Variants in DLG5 observed in about 807,000 individuals in gnomAD.
The protein encoded by DLG5 is disks large homolog 5.
Under a neutral mutation model 189.8 loss-of-function variants are expected in DLG5, and 48 were observed. The ratio of observed to expected loss-of-function variants is 0.25; its 90% CI spans 0.20 to 0.32. The LOEUF (loss-of-function observed/expected upper bound fraction) is 0.32. DLG5 is among the 10% of genes least tolerant of loss of function. DLG5 has a pLI of 1.00. For missense variants in DLG5, 2,160 were observed against 2,544.7 expected (o/e 0.85, Z 3.25); for synonymous variants, 1,016 against 1,054.1 (o/e 0.96, Z 0.70).
At chr10:77,901,415 A>G (rs968356302) in intron 1 of DLG5, among the ~76,000 whole-genome samples, 1 of 152,204 alleles carries the variant, frequency 6.6e-6, no homozygotes, top group Admixed American at 6.5e-5. Flanking sequence ...TGGAGGTTAC[A>G]CCTGGCAAAG....
intron 1 of DLG5, among the ~76,000 whole-genome samples, chr10:77,891,850 T>C (rs1845619609): frequency 6.6e-6 from 1 of 152,218 alleles, no homozygotes; most frequent in South Asian, 2.1e-4. Flanking sequence ...CATCCGGCTC[T>C]GCTGCTTGCT....
chr10:77,840,723 A>C (rs1166464279), intron 7 of DLG5, among the ~76,000 whole-genome samples: 1 of 152,292 alleles, frequency 6.6e-6, no homozygotes, highest in East Asian at 1.9e-4. Flanking sequence ...CTCATAAAAA[A>C]AAAGAAAGAA....
At chr10:77,867,084 A>G (rs1392038704) in intron 2 of DLG5, 1 of 456,922 alleles carries the variant, frequency 2.2e-6, no homozygotes, top group Non-Finnish European at 4.4e-6. Flanking sequence ...TGACGGCTCC[A>G]TCGCAAGGAC....
intron 11 of DLG5, among the ~76,000 whole-genome samples, chr10:77,829,744 T>C (rs1389702691): frequency 6.6e-6 from 1 of 152,222 alleles, no homozygotes; most frequent in East Asian, 1.9e-4. Context: ...ACTTACTAGT[T>C]GTATGACCTA....
rs747645923 is a variant in DLG5, at chr10:77,841,832, G to A, written c.1437+49C>T. The A allele has an allele frequency of 1.5e-5, 23 of 1,568,332 alleles. No homozygotes were observed. The East Asian group carries it at 2.9e-4, about 20-fold the overall frequency. On this transcript the variant is annotated intron_variant, in intron 7 of 31. Coordinates refer to ENST00000372391, the MANE Select transcript of DLG5 (RefSeq NM_004747.4). The stretch of plus-strand genomic sequence containing the variant: ...CACGCACTCTGCAGCCCCTCTTCCC[G>A]GGATGCTGTAGGAGAGGCTGAAAGC...
intron 2 of DLG5, among the ~76,000 whole-genome samples, chr10:77,860,504 C>CCAGGCTGGT (rs1243365392): frequency 6.6e-6 from 1 of 152,172 alleles, no homozygotes; most frequent in Non-Finnish European, 1.5e-5. Flanking sequence ...ACCATGTTGG[C>CCAGGCTGGT]CAGGCTGGTC....
intron 26 of DLG5, 34 bp downstream of exon 26, chr10:77,806,724 G>GGC: frequency 2.5e-4 from 250 of 1,015,806 alleles, no homozygotes; most frequent in Non-Finnish European, 3.2e-4. Context: ...GGCGACCCCT[G>GGC]CCCCACCCCA....
At chr10:77,843,963 C>A (rs1312426822) in intron 5 of DLG5, among the ~76,000 whole-genome samples, 1 of 152,208 alleles carries the variant, frequency 6.6e-6, no homozygotes, top group Non-Finnish European at 1.5e-5. Context: ...TGACCTGAGA[C>A]TTCTATATCC....
At chr10:77,887,269 C>A (rs191982867) in intron 1 of DLG5, among the ~76,000 whole-genome samples, 1 of 152,258 alleles carries the variant, frequency 6.6e-6, no homozygotes, top group Admixed American at 6.5e-5. Context: ...CACCTCCCAG[C>A]CCTTTGCCTG....
chr10:77,873,033 A>G (rs61855797), intron 1 of DLG5, among the ~76,000 whole-genome samples: 96,494 of 138,026 alleles, frequency 0.7, 31,947 homozygotes, highest in East Asian at 0.78. Context: ...GTGTGTGTGC[A>G]CACACACACA....
At position 77,843,581 on chromosome 10, in the gene DLG5, G is replaced by T. The variant is rs571293975; in HGVS notation, c.990C>A (p.Ile330=). ...LRKRYSEKVA[I]HNADLSRLEQ... is the part of the protein sequence containing the mutation. The stretch of plus-strand genomic sequence containing the variant: ...CCAGGCGGCTCAGGTCTGCATTGTG[G>T]ATGGCGACTTTCTCACTGTACCTCT... Residue 330 remains isoleucine, a synonymous_variant, in exon 6 of 32, where the codon ATC becomes ATA. Transcript: ENST00000372391. 4 of 1,614,102 alleles carry T rather than the reference G, an allele frequency of 2.5e-6. No individual in the cohort carries two copies. Among genetic ancestry groups the T allele is most frequent in the East Asian group, 4.5e-5 (2 of 44,878 alleles).
At chr10:77,882,949 C>T (rs1210075978) in intron 1 of DLG5, among the ~76,000 whole-genome samples, 2 of 151,896 alleles carry the variant, frequency 1.3e-5, no homozygotes, top group Non-Finnish European at 2.9e-5. Context: ...AAGAGCTTCA[C>T]CTCCATTTCT....
intron 16 of DLG5, 71 bp from the exon 17 acceptor site, chr10:77,819,536 C>T: frequency 6.5e-7 from 1 of 1,529,508 alleles, no homozygotes; most frequent in South Asian, 1.3e-5. Context: ...CAAGCCTTTC[C>T]CCTGTATCCC....
At chr10:77,854,819 C>A (rs1157340801) in intron 3 of DLG5, among the ~76,000 whole-genome samples, 1 of 151,728 alleles carries the variant, frequency 6.6e-6, no homozygotes, top group Non-Finnish European at 1.5e-5. Context: ...AACCCCGCCT[C>A]CACAAAAAAA....
intron 1 of DLG5, among the ~76,000 whole-genome samples, chr10:77,874,458 C>T (rs768237760): frequency 1.3e-5 from 2 of 152,218 alleles, no homozygotes; most frequent in African/African-American, 2.4e-5. Context: ...TGAGCACCAA[C>T]ATGACACCAC....
In DLG5 at chr10:77,853,473, G is replaced by A. The variant is rs774679674; in HGVS notation, c.745C>T (p.Arg249Trp). 6.8e-6 allele frequency: 11 copies of A among 1,611,454 alleles called. 1 individual carries two copies. The highest frequency in any genetic ancestry group is 3.3e-4 in the Middle Eastern group (2 of 6,052). The stretch of plus-strand genomic sequence containing the variant: ...TCCCGCAGCAGCTGCCCATTCTCCC[G>A]CCTCAGCATGTCCACGTCATCCTTC... ...RLKDDVDMLR[R>W]ENGQLLRERN... The change falls in exon 5 of 32, where the codon CGG (arginine) becomes TGG (tryptophan). Residue 249 changes from arginine (R) to tryptophan (W), a missense_variant. Around this residue, in one of 5 missense-constraint regions of DLG5, gnomAD observed 664 missense variants for 838.5 expected, o/e 0.79. Transcript: ENST00000372391.
At chr10:77,929,555 C>T (rs973319680), upstream of DLG5, 1 of 152,132 alleles carries the variant, frequency 6.6e-6, no homozygotes, top group African/African-American at 2.4e-5. Context: ...TGGATTAGGG[C>T]GGGTCCTCAT....
At chr10:77,794,244 C>T in intron 30 of DLG5, 127 bp from the exon 31 acceptor site, 1 of 758,788 alleles carries the variant, frequency 1.3e-6, no homozygotes, top group Non-Finnish European at 2.2e-6. Context: ...CCCATGTGCT[C>T]CCCACATAAA....
intron 14 of DLG5, among the ~76,000 whole-genome samples, chr10:77,823,691 C>T (rs1260798936): frequency 1.3e-5 from 2 of 152,060 alleles, no homozygotes; most frequent in Admixed American, 1.3e-4. Flanking sequence ...CCATCACATC[C>T]GGCTATTTTT....
Sources: gnomAD v4.1 joint callset for allele counts (sites outside exome capture counted in the v4.1 genomes callset) on GRCh38, gnomAD v4.1.1 for gene constraint, gnomAD v4.1.1 regional missense constraint, MANE v1.5 for transcripts, NCBI Gene and HGNC (gene_info 2026-07-23, HGNC 2026-07-21) for gene names.